Variants in WASHC2A observed in about 807,000 individuals in gnomAD.
WASHC2A encodes the protein WASH complex subunit 2A, also known as WASH complex subunit FAM21A.
WASHC2A carries 82 observed loss-of-function variants against 140.3 expected under a neutral mutation model. The observed-to-expected ratio is 0.58, with a 90% CI of 0.49 to 0.70. WASHC2A has a LOEUF of 0.70. Ranked by LOEUF, WASHC2A falls within the 30% of genes least tolerant of loss-of-function variation. The pLI, the probability that WASHC2A is intolerant of heterozygous loss-of-function variation, is 0.00. For synonymous variants in WASHC2A, 340 were observed against 560.8 expected (o/e 0.61, Z 5.56); for missense variants, 985 against 1,521.8 (o/e 0.65, Z 5.87).
chr10:50,076,063 G>A (rs1838285313), intron 3 of WASHC2A, among the ~76,000 whole-genome samples: 2 of 151,384 alleles, frequency 1.3e-5, no homozygotes, highest in African/African-American at 4.9e-5. Flanking sequence ...TACAGGCACC[G>A]GCCACCACAT....
chr10:50,106,546 C>G, intron 19 of WASHC2A, 81 bp downstream of exon 19: 1 of 1,584,520 alleles, frequency 6.3e-7, no homozygotes, highest in Non-Finnish European at 8.6e-7. Flanking sequence ...CTTTTTCTAC[C>G]TGTTTTATAT....
At chr10:50,082,656 T>G (rs1839017403) in intron 5 of WASHC2A, among the ~76,000 whole-genome samples, 1 of 149,878 alleles carries the variant, frequency 6.7e-6, no homozygotes, top group Non-Finnish European at 1.5e-5. Flanking sequence ...TTTTGTATTT[T>G]TTAGTAGAGA....
intron 18 of WASHC2A, 105 bp downstream of exon 18, chr10:50,104,248 A>C (rs2132762573): frequency 1.5e-5 from 17 of 1,096,964 alleles, no homozygotes; most frequent in Non-Finnish European, 2.3e-5. Context: ...GTGGTAGGGA[A>C]GCAGTCAGGC....
chr10:50,083,678 G>T (rs797024936), intron 5 of WASHC2A, among the ~76,000 whole-genome samples: 2,133 of 75,908 alleles, frequency 0.028, 20 homozygotes, highest in East Asian at 0.062. Flanking sequence ...TGCCTCAGCC[G>T]CCCGAGTAGC....
intron 4 of WASHC2A, among the ~76,000 whole-genome samples, chr10:50,079,349 T>C (rs1331829776): frequency 2.0e-5 from 3 of 152,252 alleles, no homozygotes; most frequent in Non-Finnish European, 2.9e-5. Flanking sequence ...TAGTTCTGCC[T>C]GTTGCCAGCA....
In WASHC2A at chr10:50,126,135, C is replaced by G. The variant is rs1554894911; in HGVS notation, c.2767C>G (p.Gln923Glu). 7 of 1,613,640 alleles carry G rather than the reference C, an allele frequency of 4.3e-6. No individual in the cohort carries two copies. The highest frequency in any genetic ancestry group is 1.1e-5 in the South Asian group (1 of 91,044). Residue 923 changes from glutamine (Q) to glutamate (E), a missense_variant, in exon 26 of 31, where the codon CAA (glutamine) becomes GAA (glutamate). Transcript: ENST00000282633. ...AAACCAGAAACATCCTGAATCCATT[C>G]AAGGTAGTAAAGAAAAAGGCATATG... ...FKNQKHPESI[Q>E]GSKEKGIWKP...
At position 50,107,747 on chromosome 10, in the gene WASHC2A, C is replaced by G. The variant is rs1841930501; in HGVS notation, c.1869+1282C>G. On this transcript the variant is annotated intron_variant, in intron 19 of 30. Coordinates refer to ENST00000282633, the MANE Select transcript of WASHC2A (RefSeq NM_001005751.3). The stretch of plus-strand genomic sequence containing the variant: ...GACCAGCCTAACCAACATGGAGAAA[C>G]CTTGTCTCTATTAAAAATACAAAAA... 6.1e-5 allele frequency among the ~76,000 whole-genome samples: 9 copies of G among 148,322 alleles called. No individual in the cohort carries two copies. The South Asian group carries it at 1.8e-3, about 30-fold the overall frequency.
At chr10:50,130,797 C>T (rs1236466021) in intron 29 of WASHC2A, 104 bp from the exon 30 acceptor site, 106 of 1,560,386 alleles carry the variant, frequency 6.8e-5, no homozygotes, top group Non-Finnish European at 9.0e-5. Flanking sequence ...CGAGGCTGTT[C>T]CACACACCCT....
rs782117021 is a variant in WASHC2A, at chr10:50,126,153, G to T, written c.2785G>T (p.Gly929Cys). Residue 929 changes from glycine (G) to cysteine (C), a missense_variant, in exon 26 of 31, where the codon GGC becomes TGC. Coordinates refer to ENST00000282633, the MANE Select transcript of WASHC2A (RefSeq NM_001005751.3). ...PESIQGSKEKGIWKPETPQDS... is the reference protein window; with the variant it reads ...PESIQGSKEKCIWKPETPQDS... ...ATCCATTCAAGGTAGTAAAGAAAAA[G>T]GCATATGGAAGCCGGAAACACCTCA... 1 of 1,613,416 alleles carries T rather than the reference G, an allele frequency of 6.2e-7. No homozygotes were observed. Among genetic ancestry groups the T allele is most frequent in the Non-Finnish European group, 8.5e-7 (1 of 1,179,714 alleles).
At chr10:50,070,323 G>C (rs1837687422) in intron 3 of WASHC2A, among the ~76,000 whole-genome samples, 1 of 151,958 alleles carries the variant, frequency 6.6e-6, no homozygotes, top group Non-Finnish European at 1.5e-5. Context: ...GCATACAAAG[G>C]AAGTAAGTAT....
chr10:50,126,423 C>T lies in WASHC2A; in HGVS notation c.2811+244C>T, dbSNP rs1336951716. The T allele has an allele frequency of 3.4e-5, 13 of 382,710 alleles. No individual in the cohort carries two copies. In the East Asian group the frequency reaches 5.2e-4, roughly 15 times the overall value. The allele number at this position is 382,710 out of a possible 1,614,324, so 23.7% of individuals were successfully genotyped here. ...TTTTGATGCCATGCCAGATTTAACT[C>T]TGAAGTGGAGTTAAGGTAGGATGAA... On this transcript the variant is annotated intron_variant, in intron 26 of 30. Transcript: ENST00000282633.
chr10:50,103,995 A>C, intron 17 of WASHC2A, 47 bp from the exon 18 acceptor site: 1 of 1,493,942 alleles, frequency 6.7e-7, no homozygotes, highest in Non-Finnish European at 9.3e-7. Context: ...TGATATTTTA[A>C]AAACTGATAT....
chr10:50,100,590 G>T (rs1369124664), intron 17 of WASHC2A, among the ~76,000 whole-genome samples: 5 of 152,038 alleles, frequency 3.3e-5, no homozygotes, highest in African/African-American at 1.2e-4. Context: ...ACATTTCCTG[G>T]GATGAAAATC....
At chr10:50,083,552 A>G (rs1589166783) in intron 5 of WASHC2A, among the ~76,000 whole-genome samples, 1 of 96,516 alleles carries the variant, frequency 1.0e-5, no homozygotes, top group Admixed American at 9.7e-5. Flanking sequence ...TTACTTTGGT[A>G]TCTTTTTTTT....
At chr10:50,098,288 C>T (rs1239308990) in intron 16 of WASHC2A, among the ~76,000 whole-genome samples, 1 of 152,048 alleles carries the variant, frequency 6.6e-6, no homozygotes, top group Non-Finnish European at 1.5e-5. Context: ...AAATAGAATA[C>T]AGATTTAAAA....
At chr10:50,126,212 T>G in intron 26 of WASHC2A, 33 bp downstream of exon 26, 1 of 1,612,680 alleles carries the variant, frequency 6.2e-7, no homozygotes, top group Non-Finnish European at 8.5e-7. Flanking sequence ...TTTCAGCTCT[T>G]GTTTGCATCC....
chr10:50,079,906 T>C (rs1195128789), intron 4 of WASHC2A, among the ~76,000 whole-genome samples: 2 of 151,342 alleles, frequency 1.3e-5, no homozygotes, highest in African/African-American at 4.9e-5. Flanking sequence ...AATAGAAAAA[T>C]ACACAACCAA....
intron 23 of WASHC2A, among the ~76,000 whole-genome samples, chr10:50,124,351 A>G (rs2805227): frequency 0.29 from 42,855 of 148,730 alleles, 6,954 homozygotes; most frequent in Middle Eastern, 0.4. Context: ...TAATCCACCC[A>G]CCTTGGCCTC....
At chr10:50,103,336 G>C (rs1451261282) in intron 17 of WASHC2A, among the ~76,000 whole-genome samples, 2 of 151,682 alleles carry the variant, frequency 1.3e-5, no homozygotes, top group African/African-American at 4.8e-5. Context: ...GAGGCGGGCG[G>C]ATCACAAGGT....
Sources: gnomAD v4.1 joint callset for allele counts (sites outside exome capture counted in the v4.1 genomes callset) on GRCh38, gnomAD v4.1.1 for gene constraint, MANE v1.5 for transcripts, NCBI Gene and HGNC (gene_info 2026-07-23, HGNC 2026-07-21) for gene names.